Variants in CACNA2D3 observed in about 807,000 individuals in gnomAD.
CACNA2D3 encodes calcium voltage-gated channel auxiliary subunit alpha2delta 3.
In CACNA2D3, 60 loss-of-function variants were observed where a neutral mutation model predicts 160.6. The ratio of observed to expected loss-of-function variants is 0.37; its 90% CI spans 0.30 to 0.46. The LOEUF is 0.46. Ranked by LOEUF, CACNA2D3 falls within the 20% of genes least tolerant of loss-of-function variation. The pLI is 1.00. For missense variants in CACNA2D3, 1,205 were observed against 1,365.0 expected (o/e 0.88, Z 1.85); for synonymous variants, 558 against 492.9 (o/e 1.13, Z -1.75).
intron 2 of CACNA2D3, among the ~76,000 whole-genome samples, chr3:54,151,681 G>C (rs1700154662): frequency 6.6e-6 from 1 of 152,182 alleles, no homozygotes; most frequent in Non-Finnish European, 1.5e-5. Flanking sequence ...TGTGTCCATG[G>C]ACCAGGGACA....
At chr3:54,328,200 G>T (rs767854909) in intron 3 of CACNA2D3, among the ~76,000 whole-genome samples, 4 of 152,148 alleles carry the variant, frequency 2.6e-5, no homozygotes, top group African/African-American at 7.2e-5. Flanking sequence ...AACTATTTCC[G>T]CATTATCCTC....
At chr3:54,249,979 C>T (rs895293155) in intron 2 of CACNA2D3, among the ~76,000 whole-genome samples, 3 of 152,108 alleles carry the variant, frequency 2.0e-5, no homozygotes, top group African/African-American at 7.2e-5. Context: ...ATGTAATGGG[C>T]AAATTCATTT....
chr3:54,867,746 A>G (rs1275795841), intron 17 of CACNA2D3, among the ~76,000 whole-genome samples: 1 of 152,136 alleles, frequency 6.6e-6, no homozygotes. Context: ...AGCTATTCCA[A>G]GCTCCCATCC....
At chr3:54,741,410 G>T (rs72872289) in intron 11 of CACNA2D3, among the ~76,000 whole-genome samples, 2,595 of 152,132 alleles carry the variant, frequency 0.017, 79 homozygotes, top group African/African-American at 0.06. Context: ...ACATCATTCT[G>T]GTTCTATGAT....
intron 5 of CACNA2D3, among the ~76,000 whole-genome samples, chr3:54,516,995 G>A (rs1003148117): frequency 5.4e-4 from 82 of 152,186 alleles, no homozygotes; most frequent in African/African-American, 1.9e-3. Context: ...AGGAGTGGGA[G>A]CCCCAGAAAA....
At chr3:54,386,640 G>C (rs980096142) in intron 3 of CACNA2D3, 75 bp from the exon 4 acceptor site, 18 of 1,350,460 alleles carry the variant, frequency 1.3e-5, no homozygotes, top group Non-Finnish European at 1.7e-5. Context: ...GTCACTTTTG[G>C]TCAATGGAGA....
rs1476057463 is a variant in CACNA2D3 at position 54,888,024 on chromosome 3, T to C, written c.2122T>C (p.Trp708Arg). 2.5e-6 allele frequency: 4 copies of C among 1,613,820 alleles called. No homozygotes were observed. Among genetic ancestry groups the C allele is most frequent in the Non-Finnish European group, 3.4e-6 (4 of 1,179,850 alleles). Residue 708 changes from tryptophan to arginine, a missense_variant, in exon 24 of 38, where the codon TGG becomes CGG. By Grantham distance (101) the Trp-to-Arg change is moderately radical. This residue lies in a region of CACNA2D3 where 911 missense variants were observed against 1,002.2 expected (regional missense o/e 0.91). Transcript: ENST00000474759. ...GGTGAGTGCCCCCATTGAAGCGTAT[T>C]GGACCAGCCTGGCCCTCAACAAATC... The part of the protein sequence containing the change: ...AVVSAPIEAY[W>R]TSLALNKSEN...
intron 3 of CACNA2D3, among the ~76,000 whole-genome samples, chr3:54,377,043 C>T: frequency 6.6e-6 from 1 of 152,166 alleles, no homozygotes; most frequent in East Asian, 1.9e-4. Flanking sequence ...CTTCCCTGGC[C>T]ATAGTTGGGG....
At chr3:54,878,990 C>CTAACACACT (rs1559614162) in intron 18 of CACNA2D3, 28 bp from the exon 19 acceptor site, 2 of 1,480,444 alleles carry the variant, frequency 1.4e-6, no homozygotes, top group Non-Finnish European at 1.9e-6. Context: ...CAGGGAAGAA[C>CTAACACACT]TAACACACTT....
chr3:54,651,151 C>T (rs1340094936), intron 11 of CACNA2D3, among the ~76,000 whole-genome samples: 1 of 152,142 alleles, frequency 6.6e-6, no homozygotes, highest in African/African-American at 2.4e-5. Flanking sequence ...GCTGTCCACA[C>T]TCTATACATT....
intron 4 of CACNA2D3, among the ~76,000 whole-genome samples, chr3:54,400,676 GCTT>G (rs1200988929): frequency 6.6e-6 from 1 of 152,084 alleles, no homozygotes; most frequent in Non-Finnish European, 1.5e-5. Context: ...ATATACAACT[GCTT>G]CTACTAGGAG....
intron 11 of CACNA2D3, among the ~76,000 whole-genome samples, chr3:54,724,788 T>C (rs759050325): frequency 4.6e-5 from 7 of 152,146 alleles, no homozygotes; most frequent in Non-Finnish European, 1.0e-4. Context: ...GAGGGAAATT[T>C]ATAGCATTAA....
intron 13 of CACNA2D3, among the ~76,000 whole-genome samples, chr3:54,792,401 T>C (rs916647030): frequency 1.3e-5 from 2 of 152,224 alleles, no homozygotes; most frequent in Non-Finnish European, 2.9e-5. Flanking sequence ...ATCAGGCTTC[T>C]TTGGCTGTGA....
intron 18 of CACNA2D3, chr3:54,878,678 G>T: frequency 5.6e-6 from 1 of 179,274 alleles, no homozygotes; most frequent in Non-Finnish European, 1.1e-5. Context: ...TACCCTTTTT[G>T]AAAACGTACC....
chr3:54,663,947 C>T (rs946209288), intron 11 of CACNA2D3, among the ~76,000 whole-genome samples: 5 of 152,202 alleles, frequency 3.3e-5, no homozygotes, highest in South Asian at 2.1e-4. Context: ...TTCCTTTCTG[C>T]GCTCGCCTTC....
intron 13 of CACNA2D3, among the ~76,000 whole-genome samples, chr3:54,793,555 G>T (rs890955545): frequency 2.0e-5 from 3 of 152,108 alleles, no homozygotes; most frequent in Admixed American, 2.0e-4. Context: ...GAGTAACGGG[G>T]TCAGGTTAGA....
At position 54,475,824 on chromosome 3, in the gene CACNA2D3, T is replaced by TGTGTGTGTGTGTGTGTGTGTGC. The variant is rs1437317592; in HGVS notation, c.382-27655_382-27654insTGTGTGTGCGTGTGTGTGTGTG. 6.9e-4 allele frequency among the ~76,000 whole-genome samples: 104 copies of TGTGTGTGTGTGTGTGTGTGTGC among 151,668 alleles called. No homozygotes were observed. The East Asian group carries it at 0.019, about 28-fold the overall frequency. Reference sequence around the variant, plus strand: ...TGGTTACCATTTGTGTGTGTGTGTGTGTGTGTGTGTGTGACAGAGAGAGAG... The same window carrying TGTGTGTGTGTGTGTGTGTGTGC: ...TGGTTACCATTTGTGTGTGTGTGTGTGTGTGTGTGTGTGTGTGTGTGCGTGTGTGTGTGTGACAGAGAGAGAG... On this transcript the variant is annotated intron_variant, in intron 4 of 37. Coordinates refer to ENST00000474759, the MANE Select transcript of CACNA2D3 (RefSeq NM_018398.3).
At chr3:54,461,742 A>T (rs1374381558) in intron 4 of CACNA2D3, among the ~76,000 whole-genome samples, 1 of 151,640 alleles carries the variant, frequency 6.6e-6, no homozygotes, top group East Asian at 1.9e-4. Flanking sequence ...TGGATTGATT[A>T]ATTTTTTGAA....
intron 27 of CACNA2D3, among the ~76,000 whole-genome samples, chr3:54,958,276 C>A (rs1701950234): frequency 1.3e-5 from 2 of 152,138 alleles, no homozygotes; most frequent in Admixed American, 1.3e-4. Context: ...GCCTATAATC[C>A]CAGCTACTCA....
Sources: gnomAD v4.1 joint callset for allele counts (sites outside exome capture counted in the v4.1 genomes callset) on GRCh38, gnomAD v4.1.1 for gene constraint, gnomAD v4.1.1 regional missense constraint, MANE v1.5 for transcripts, NCBI Gene and HGNC (gene_info 2026-07-23, HGNC 2026-07-21) for gene names.